The following MYT1L variants were observed in gnomAD, a reference collection of about 807,000 sequenced individuals.
MYT1L encodes the protein myelin transcription factor 1-like protein.
In MYT1L, 12 loss-of-function variants were observed where a neutral mutation model predicts 126.7. The ratio of observed to expected loss-of-function variants is 0.09; its 90% CI spans 0.06 to 0.15. The LOEUF (loss-of-function observed/expected upper bound fraction) is 0.15, where lower values mean the gene tolerates loss of function less well. Ranked by LOEUF, MYT1L falls within the 10% of genes least tolerant of loss-of-function variation. The pLI, the probability that MYT1L is intolerant of heterozygous loss-of-function variation, is 1.00. For synonymous variants in MYT1L, 541 were observed against 604.2 expected (o/e 0.90, Z 1.53); for missense variants, 979 against 1,585.2 (o/e 0.62, Z 6.49).
intron 3 of MYT1L, among the ~76,000 whole-genome samples, chr2:2,078,774 C>T (rs1421613): frequency 0.71 from 107,576 of 152,180 alleles, 39,547 homozygotes; most frequent in African/African-American, 0.93. Flanking sequence ...ATAAAGCTAT[C>T]AGAACTAACA....
intron 3 of MYT1L, among the ~76,000 whole-genome samples, chr2:2,100,320 T>C (rs2077912421): frequency 1.3e-5 from 2 of 152,306 alleles, no homozygotes; most frequent in South Asian, 4.1e-4. Context: ...TAACCAAAGA[T>C]GGGAATCCTA....
chr2:2,286,709 T>A (rs935701865), intron 1 of MYT1L, among the ~76,000 whole-genome samples: 1 of 152,208 alleles, frequency 6.6e-6, no homozygotes, highest in South Asian at 2.1e-4. Flanking sequence ...GCAGGAGAGA[T>A]CATCTGTGGT....
At chr2:2,141,103 G>T (rs1039180864) in intron 3 of MYT1L, among the ~76,000 whole-genome samples, 3 of 152,094 alleles carry the variant, frequency 2.0e-5, no homozygotes, top group African/African-American at 7.2e-5. Flanking sequence ...TGTATGGATG[G>T]TATGAAAATC....
intron 18 of MYT1L, among the ~76,000 whole-genome samples, chr2:1,854,662 C>G (rs34502062): frequency 0.019 from 2,916 of 152,240 alleles, 50 homozygotes; most frequent in Non-Finnish European, 0.031. Flanking sequence ...TGGAAGGAGG[C>G]TTTTCTCTCT....
At chr2:2,016,962 T>C (rs1016720839) in intron 4 of MYT1L, among the ~76,000 whole-genome samples, 11 of 152,228 alleles carry the variant, frequency 7.2e-5, no homozygotes, top group Admixed American at 1.3e-4. Flanking sequence ...CCTGCTTAAA[T>C]TACAATGTAA....
intron 18 of MYT1L, among the ~76,000 whole-genome samples, chr2:1,869,793 C>T (rs1443796746): frequency 6.6e-6 from 1 of 152,084 alleles, no homozygotes; most frequent in Non-Finnish European, 1.5e-5. Context: ...TGAAGAAAAC[C>T]AAGTACTAAG....
chr2:2,295,724 A>T (rs894085586), intron 1 of MYT1L, among the ~76,000 whole-genome samples: 1 of 60,956 alleles, frequency 1.6e-5, no homozygotes, highest in African/African-American at 5.0e-5. Context: ...AGAGAGAGAG[A>T]TAGAGAGACA....
intron 1 of MYT1L, chr2:2,303,500 A>C (rs1030108788): frequency 1.3e-5 from 2 of 152,316 alleles, no homozygotes; most frequent in African/African-American, 4.8e-5. Context: ...ACTGTTACAG[A>C]GTCTCCCTGC....
At chr2:1,876,519 C>T (rs1388943062) in intron 18 of MYT1L, among the ~76,000 whole-genome samples, 3 of 152,208 alleles carry the variant, frequency 2.0e-5, no homozygotes, top group Admixed American at 2.0e-4. Flanking sequence ...GAGCCCGCGC[C>T]TACCCCTCAC....
intron 2 of MYT1L, among the ~76,000 whole-genome samples, chr2:2,187,177 C>T (rs1327422625): frequency 6.6e-6 from 1 of 152,084 alleles, no homozygotes; most frequent in Non-Finnish European, 1.5e-5. Context: ...CCCTCTTCCA[C>T]CGAGGCCTTT....
At chr2:1,956,191 G>GTTTATCTA (rs1553354695) in intron 8 of MYT1L, among the ~76,000 whole-genome samples, 1 of 145,876 alleles carries the variant, frequency 6.9e-6, no homozygotes, top group Non-Finnish European at 1.5e-5. Context: ...TTACCTAGCT[G>GTTTATCTA]TCTATCTATC....
At chr2:2,002,822 G>A (rs1266978566) in intron 4 of MYT1L, among the ~76,000 whole-genome samples, 1 of 152,120 alleles carries the variant, frequency 6.6e-6, no homozygotes, top group African/African-American at 2.4e-5. Flanking sequence ...GATAGAGAGT[G>A]AGTTTCAAGA....
At chr2:2,050,844 T>G (rs2068745631) in intron 4 of MYT1L, among the ~76,000 whole-genome samples, 1 of 152,086 alleles carries the variant, frequency 6.6e-6, no homozygotes, top group Admixed American at 6.5e-5. Flanking sequence ...GATTCTGAGT[T>G]GTAATCTGAG....
chr2:2,031,830 T>TTA (rs2066316793), intron 4 of MYT1L, among the ~76,000 whole-genome samples: 7 of 134,754 alleles, frequency 5.2e-5, no homozygotes, highest in Admixed American at 1.5e-4. Context: ...AAGGAGGGCC[T>TTA]TACACACACC....
At chr2:2,195,942 A>G (rs1228716807) in intron 2 of MYT1L, among the ~76,000 whole-genome samples, 3 of 152,158 alleles carry the variant, frequency 2.0e-5, no homozygotes, top group African/African-American at 7.2e-5. Flanking sequence ...GCAAAACAGG[A>G]GTCCCATAAG....
intron 21 of MYT1L, among the ~76,000 whole-genome samples, chr2:1,830,169 C>T (rs151128634): frequency 2.8e-4 from 43 of 152,180 alleles, no homozygotes; most frequent in Admixed American, 1.2e-3. Flanking sequence ...TCACAGGGAT[C>T]GGAGTCAGGG....
intron 3 of MYT1L, among the ~76,000 whole-genome samples, chr2:2,147,832 A>G (rs1371249199): frequency 6.6e-6 from 1 of 152,222 alleles, no homozygotes; most frequent in Non-Finnish European, 1.5e-5. Flanking sequence ...ACGGCAGATC[A>G]CTGTCACTTA....
chr2:1,934,014 G>T (rs548035276), intron 9 of MYT1L, among the ~76,000 whole-genome samples: 4 of 129,980 alleles, frequency 3.1e-5, no homozygotes, highest in Non-Finnish European at 6.2e-5. Context: ...TTGCTCTGTC[G>T]CCCAGGCTGG....
chr2:2,126,561 A>G (rs948118864), intron 3 of MYT1L, among the ~76,000 whole-genome samples: 1 of 152,142 alleles, frequency 6.6e-6, no homozygotes, highest in Non-Finnish European at 1.5e-5. Context: ...AGTCAACACA[A>G]GTGTTCTGAT....
Sources: allele counts gnomAD v4.1 joint callset (sites outside exome capture counted in the v4.1 genomes callset), GRCh38; gene constraint gnomAD v4.1.1; transcripts MANE v1.5; gene names NCBI Gene and HGNC (gene_info 2026-07-23, HGNC 2026-07-21).